CCDC91: variants seen among roughly 807,000 people sequenced by gnomAD.
CCDC91 encodes the protein coiled-coil domain containing 91, also known as coiled-coil domain-containing protein 91.
A neutral mutation model predicts 63.2 loss-of-function variants in CCDC91; 48 were observed. That is an observed-to-expected ratio of 0.76 (90% CI 0.60 to 0.97). The LOEUF (loss-of-function observed/expected upper bound fraction) is 0.97, where lower values mean the gene tolerates loss of function less well. Ranked by LOEUF, CCDC91 falls within the 50% of genes least tolerant of loss-of-function variation. The probability of loss-of-function intolerance (pLI) is 0.00; values close to 1 mark genes in which losing one functional copy is unlikely to be tolerated. For missense variants in CCDC91, 500 were observed against 494.6 expected, an observed-to-expected ratio of 1.01 and a Z score of -0.10; for synonymous variants, 167 against 165.8, an observed-to-expected ratio of 1.01 and a Z score of -0.06.
At chr12:28,308,215 A>C (rs1652160428) in intron 6 of CCDC91, among the ~76,000 whole-genome samples, 2 of 151,966 alleles carry the variant, frequency 1.3e-5, no homozygotes, top group Non-Finnish European at 2.9e-5. Context: ...AAACTAACTC[A>C]TTCCTTTTTG....
intron 6 of CCDC91, among the ~76,000 whole-genome samples, chr12:28,346,454 A>G (rs2138124375): frequency 6.6e-6 from 1 of 152,352 alleles, no homozygotes; most frequent in South Asian, 2.1e-4. Flanking sequence ...ACTTTTAAGT[A>G]TAAAATAGTG....
intron 6 of CCDC91, among the ~76,000 whole-genome samples, chr12:28,337,329 T>A (rs2137862386): frequency 6.6e-6 from 1 of 152,260 alleles, no homozygotes; most frequent in East Asian, 1.9e-4. Context: ...CCTATAGCAT[T>A]ATCTATCTAA....
chr12:28,496,062 C>T (rs1952264024), intron 12 of CCDC91, among the ~76,000 whole-genome samples: 2 of 151,712 alleles, frequency 1.3e-5, no homozygotes, highest in South Asian at 4.2e-4. Context: ...AACCAGGGTT[C>T]TTCTTTTAAA....
intron 6 of CCDC91, among the ~76,000 whole-genome samples, chr12:28,315,135 T>A (rs563967156): frequency 2.0e-5 from 3 of 148,794 alleles, no homozygotes; most frequent in East Asian, 3.9e-4. Flanking sequence ...TAAGGGTATT[T>A]TACTTAATGT....
intron 11 of CCDC91, among the ~76,000 whole-genome samples, chr12:28,466,541 G>A (rs1009515167): frequency 3.3e-5 from 5 of 152,130 alleles, no homozygotes; most frequent in Admixed American, 2.0e-4. Flanking sequence ...AACTTTACAG[G>A]CCAGGAGAGT....
intron 3 of CCDC91, among the ~76,000 whole-genome samples, chr12:28,272,543 T>C (rs1947855456): frequency 6.6e-6 from 1 of 152,032 alleles, no homozygotes; most frequent in African/African-American, 2.4e-5. Flanking sequence ...TACTTCTTTA[T>C]TGTCTAAGGT....
chr12:28,217,444 A>G (rs1012625790), intron 1 of CCDC91, among the ~76,000 whole-genome samples: 1 of 152,134 alleles, frequency 6.6e-6, no homozygotes, highest in African/African-American at 2.4e-5. Context: ...ATTCATTTTT[A>G]TAGGTAGACT....
intron 1 of CCDC91, among the ~76,000 whole-genome samples, chr12:28,206,594 A>G (rs143603960): frequency 2.6e-5 from 4 of 152,190 alleles, no homozygotes; most frequent in Non-Finnish European, 4.4e-5. Context: ...TGAGCTAGAT[A>G]AAGAGTCTAC....
chr12:28,547,647 G>A (rs1202207222), intron 12 of CCDC91, among the ~76,000 whole-genome samples: 1 of 152,018 alleles, frequency 6.6e-6, no homozygotes, highest in Non-Finnish European at 1.5e-5. Context: ...AAAACTGTGA[G>A]GAAAAATGAT....
chr12:28,346,076 AC>A (rs1942791115), intron 6 of CCDC91, among the ~76,000 whole-genome samples: 1 of 151,994 alleles, frequency 6.6e-6, no homozygotes, highest in African/African-American at 2.4e-5. Context: ...ATCTTAATTA[AC>A]CGAGTTCTTG....
chr12:28,337,166 A>G (rs1239098671), intron 6 of CCDC91, among the ~76,000 whole-genome samples: 1 of 152,080 alleles, frequency 6.6e-6, no homozygotes, highest in Admixed American at 6.6e-5. Flanking sequence ...TTTATTGCAT[A>G]CTTTTGAAGG....
At chr12:28,408,863 G>A (rs1419898391) in intron 8 of CCDC91, among the ~76,000 whole-genome samples, 2 of 151,934 alleles carry the variant, frequency 1.3e-5, no homozygotes, top group South Asian at 2.1e-4. Context: ...GGCTGCTCTC[G>A]AACTCCTGAC....
At chr12:28,531,969 G>A (rs1281182774) in intron 12 of CCDC91, among the ~76,000 whole-genome samples, 2 of 152,196 alleles carry the variant, frequency 1.3e-5, no homozygotes, top group Non-Finnish European at 1.5e-5. Context: ...AAGAGCTGGG[G>A]TGCTCTTTTA....
chr12:28,365,897 A>T lies in CCDC91; in HGVS notation c.654+3382A>T, dbSNP rs548855150. Among the ~76,000 whole-genome samples, 6 of 152,256 alleles carry T rather than the reference A, an allele frequency of 3.9e-5. 1 individual carries two copies. The South Asian group carries it at 1.2e-3, about 32-fold the overall frequency. On this transcript the variant is annotated intron_variant, in intron 7 of 12. Transcript: ENST00000536442. The stretch of plus-strand genomic sequence containing the variant: ...TCACCACCAGTCCTGGCTCCTGGGG[A>T]TCTTACGTCTTTCTAGTTATCCTGG...
At position 28,536,037 on chromosome 12, in the gene CCDC91, A is replaced by AT. The variant is rs1565539034; in HGVS notation, c.1216-13026_1216-13025insT. On this transcript the variant is annotated intron_variant, in intron 12 of 12. Transcript: ENST00000536442. Reference sequence around the variant, plus strand: ...GGGCAAGACTCCATCTCAAAAAAAAAAAAAAATATATATTGTGGGAAATGG... The same window carrying AT: ...GGGCAAGACTCCATCTCAAAAAAAAATAAAAAATATATATTGTGGGAAATGG... Among the ~76,000 whole-genome samples, 354 of 152,002 alleles carry AT rather than the reference A, an allele frequency of 2.3e-3. 7 individuals carry two copies. The highest frequency in any genetic ancestry group is 8.0e-3 in the African/African-American group (331 of 41,482).
intron 11 of CCDC91, among the ~76,000 whole-genome samples, chr12:28,454,838 A>G (rs1949987180): frequency 6.6e-6 from 1 of 151,870 alleles, no homozygotes; most frequent in Non-Finnish European, 1.5e-5. Flanking sequence ...GAGTTTTCCT[A>G]CCAGTTTCAG....
intron 12 of CCDC91, among the ~76,000 whole-genome samples, chr12:28,509,060 T>C (rs1939072281): frequency 6.6e-6 from 1 of 151,958 alleles, no homozygotes; most frequent in Admixed American, 6.6e-5. Context: ...ATAGCAGTTA[T>C]GGCATTTCTA....
At chr12:28,395,300 T>A (rs1460032345) in intron 8 of CCDC91, among the ~76,000 whole-genome samples, 1 of 152,214 alleles carries the variant, frequency 6.6e-6, no homozygotes, top group Admixed American at 6.5e-5. Context: ...ATCGGTGTTC[T>A]ACAATTCAAT....
intron 6 of CCDC91, among the ~76,000 whole-genome samples, chr12:28,311,613 C>G (rs1430518390): frequency 6.6e-6 from 1 of 151,916 alleles, no homozygotes; most frequent in Non-Finnish European, 1.5e-5. Context: ...GGACATTGTT[C>G]AATAGGCCTA....
Sources: gnomAD v4.1 joint callset for allele counts (sites outside exome capture counted in the v4.1 genomes callset) on GRCh38, gnomAD v4.1.1 for gene constraint, MANE v1.5 for transcripts, NCBI Gene and HGNC (gene_info 2026-07-23, HGNC 2026-07-21) for gene names.